Variants in GOLPH3L observed in about 807,000 individuals in gnomAD.
The protein encoded by GOLPH3L is Golgi phosphoprotein 3-like.
In GOLPH3L, 22 loss-of-function variants were observed where a neutral mutation model predicts 30.3. The observed-to-expected ratio is 0.73, with a 90% CI of 0.52 to 1.04. The LOEUF (loss-of-function observed/expected upper bound fraction) is 1.04. Among genes scored for constraint, GOLPH3L ranks in the 50% least tolerant of loss-of-function variants. The pLI is 0.00. For synonymous variants in GOLPH3L, 120 were observed against 128.2 expected, an observed-to-expected ratio of 0.94 and a Z score of 0.43; for missense variants, 303 against 345.8, an observed-to-expected ratio of 0.88 and a Z score of 0.98.
At chr1:150,654,943 G>A (rs1650209225) in intron 4 of GOLPH3L, among the ~76,000 whole-genome samples, 1 of 152,202 alleles carries the variant, frequency 6.6e-6, no homozygotes, top group South Asian at 2.1e-4. Flanking sequence ...TCAGATTACA[G>A]TGGGGAAATT....
chr1:150,666,265 C>T (rs1023405569), intron 2 of GOLPH3L, among the ~76,000 whole-genome samples: 3 of 152,070 alleles, frequency 2.0e-5, no homozygotes, highest in African/African-American at 7.2e-5. Flanking sequence ...TCTAGGACTT[C>T]AGTCTTTATT....
intron 2 of GOLPH3L, among the ~76,000 whole-genome samples, chr1:150,666,458 C>A (rs910889346): frequency 6.6e-6 from 1 of 152,160 alleles, no homozygotes; most frequent in Non-Finnish European, 1.5e-5. Flanking sequence ...AATTCTCCTG[C>A]CTCAGCCTCC....
At position 150,646,939 on chromosome 1, in the gene GOLPH3L, T is replaced by C. The variant is rs950255791; in HGVS notation, c.*1382A>G. On this transcript the variant is annotated 3_prime_UTR_variant, in exon 5 of 5. Coordinates refer to ENST00000271732, the MANE Select transcript of GOLPH3L (RefSeq NM_018178.6). ...GGATCTTTCTTAATAAAGCTTCTCA[T>C]TGCCCTCACTACTGAAGTAAAAAAC... 7.2e-5 allele frequency: 11 copies of C among 152,216 alleles called. No individual in the cohort carries two copies. The highest frequency in any genetic ancestry group is 2.4e-4 in the African/African-American group (10 of 41,452). 9.4% of individuals were successfully genotyped at this position (152,216 alleles called of 1,614,324 possible). A position where few individuals can be genotyped will look rare whatever the true frequency, so the allele number is the denominator to read the frequency against.
At chr1:150,691,863 T>C (rs1651222476) in intron 2 of GOLPH3L, among the ~76,000 whole-genome samples, 1 of 152,056 alleles carries the variant, frequency 6.6e-6, no homozygotes, top group Admixed American at 6.6e-5. Flanking sequence ...TTTCATTCTG[T>C]ATAGAAAACA....
chr1:150,659,636 C>T (rs587732571), intron 4 of GOLPH3L, among the ~76,000 whole-genome samples: 29 of 152,292 alleles, frequency 1.9e-4, no homozygotes, highest in African/African-American at 7.0e-4. Context: ...TCCCACTCCA[C>T]ACTATATTTC....
chr1:150,673,291 C>T (rs887743469), intron 2 of GOLPH3L, among the ~76,000 whole-genome samples: 9 of 152,064 alleles, frequency 5.9e-5, no homozygotes, highest in Non-Finnish European at 1.2e-4. Flanking sequence ...AAGCCAGGCG[C>T]GGTGGCTCAT....
chr1:150,651,642 C>CAAAA (rs59940841), intron 4 of GOLPH3L, among the ~76,000 whole-genome samples: 12 of 60,824 alleles, frequency 2.0e-4, no homozygotes, highest in Admixed American at 4.2e-4. Context: ...GAGCGAAACT[C>CAAAA]AAAAAAAAAA....
At chr1:150,691,031 C>A (rs11204702) in intron 2 of GOLPH3L, among the ~76,000 whole-genome samples, 59,566 of 152,034 alleles carry the variant, frequency 0.39, 13,340 homozygotes, top group Non-Finnish European at 0.5. Context: ...CAGTGGCTCA[C>A]GCTTGTAATC....
intron 1 of GOLPH3L, among the ~76,000 whole-genome samples, chr1:150,696,113 A>T (rs1466338365): frequency 6.6e-6 from 1 of 152,180 alleles, no homozygotes; most frequent in East Asian, 1.9e-4. Context: ...GGTATTTAAG[A>T]GTTGCTATGA....
Position 150,684,315 on chromosome 1 carries a change from G to C in GOLPH3L, c.183+10341C>G, listed in dbSNP as rs80051715. ...ACTCTCACAGAAAAATCTAGAAGAG[G>C]CTTGTCTAGTCATTTAGTCTTAAGC... On this transcript the variant is annotated intron_variant, in intron 2 of 4. Coordinates refer to ENST00000271732, the MANE Select transcript of GOLPH3L (RefSeq NM_018178.6). Among the ~76,000 whole-genome samples the C allele has an allele frequency of 8.0e-3, 1,225 of 152,248 alleles. 8 individuals carry two copies. The highest frequency in any genetic ancestry group is 0.011 in the Non-Finnish European group (734 of 68,028).
chr1:150,668,176 G>A (rs993058303), intron 2 of GOLPH3L, among the ~76,000 whole-genome samples: 1 of 152,136 alleles, frequency 6.6e-6, no homozygotes, highest in African/African-American at 2.4e-5. Context: ...TCCTTAAGGA[G>A]AGAATATCCC....
intron 2 of GOLPH3L, among the ~76,000 whole-genome samples, chr1:150,683,809 T>TCCTGAGAGTG (rs1355397622): frequency 1.3e-5 from 2 of 150,374 alleles, no homozygotes; most frequent in Admixed American, 6.7e-5. Context: ...TAATGATACT[T>TCCTGAGAGTG]CCTGAGAGTG....
rs377435219 is a variant in GOLPH3L, at chr1:150,648,553, T to A, written c.626A>T (p.Glu209Val). 5 of 1,613,840 alleles carry A rather than the reference T, an allele frequency of 3.1e-6. No homozygotes were observed. In the African/African-American group the frequency reaches 6.7e-5, roughly 22 times the overall value. ...LVKKLQDSVL[E>V]RWVNDPQRMD... ...ACGCTGAGGGTCATTTACCCACCGC[T>A]CTAGTACACTATCTTGAAGTTTTTT... is the stretch of plus-strand genomic sequence containing the variant. Residue 209 changes from glutamate (E) to valine (V), a missense_variant, in exon 5 of 5, where the codon GAG (glutamate) becomes GTG (valine). Glu to Val is a moderately radical substitution (Grantham distance 121). Coordinates refer to ENST00000271732, the MANE Select transcript of GOLPH3L (RefSeq NM_018178.6).
intron 2 of GOLPH3L, among the ~76,000 whole-genome samples, chr1:150,669,171 AAC>A (rs1650582617): frequency 6.6e-6 from 1 of 152,196 alleles, no homozygotes; most frequent in Admixed American, 6.5e-5. Context: ...TTATAAAACA[AAC>A]ACCTGTATAA....
chr1:150,692,116 A>G (rs1432900890), intron 2 of GOLPH3L, among the ~76,000 whole-genome samples: 2 of 152,162 alleles, frequency 1.3e-5, no homozygotes, highest in African/African-American at 4.8e-5. Context: ...CAATCACATT[A>G]AATATTGATT....
intron 2 of GOLPH3L, among the ~76,000 whole-genome samples, chr1:150,681,832 T>A (rs918330304): frequency 1.3e-5 from 2 of 152,068 alleles, no homozygotes; most frequent in African/African-American, 4.8e-5. Context: ...TTTGGGAGGC[T>A]GAGGCAGGTG....
chr1:150,693,815 GTGTGTA>G (rs1226760484), intron 2 of GOLPH3L, among the ~76,000 whole-genome samples: 6 of 64,894 alleles, frequency 9.2e-5, no homozygotes, highest in South Asian at 4.9e-4. Context: ...GTGTGTGTGT[GTGTGTA>G]TATATATATA....
intron 4 of GOLPH3L, among the ~76,000 whole-genome samples, chr1:150,650,685 C>T (rs1333768514): frequency 6.6e-6 from 1 of 152,194 alleles, no homozygotes; most frequent in African/African-American, 2.4e-5. Context: ...CATACCGAAA[C>T]CATCCCCCCG....
chr1:150,687,376 G>A (rs961448857), intron 2 of GOLPH3L, among the ~76,000 whole-genome samples: 20 of 151,680 alleles, frequency 1.3e-4, no homozygotes, highest in African/African-American at 3.1e-4. Flanking sequence ...TCAGGAGTTC[G>A]ACACCAGCCT....
Sources: gnomAD v4.1 joint callset for allele counts (sites outside exome capture counted in the v4.1 genomes callset) on GRCh38, gnomAD v4.1.1 for gene constraint, MANE v1.5 for transcripts, NCBI Gene and HGNC (gene_info 2026-07-23, HGNC 2026-07-21) for gene names.